CDH13: variants seen among roughly 807,000 people sequenced by gnomAD.
The protein encoded by CDH13 is cadherin 13.
CDH13 carries 24 observed loss-of-function variants against 63.8 expected under a neutral mutation model. The ratio of observed to expected loss-of-function variants is 0.38; its 90% CI spans 0.27 to 0.53. The LOEUF (loss-of-function observed/expected upper bound fraction) is 0.53, where lower values mean the gene tolerates loss of function less well. Ranked by LOEUF, CDH13 falls within the 20% of genes least tolerant of loss-of-function variation. The pLI, the probability that CDH13 is intolerant of heterozygous loss-of-function variation, is 0.85. For synonymous variants in CDH13, 503 were observed against 355.3 expected (o/e 1.42, Z -4.67); for missense variants, 1,049 against 903.1 (o/e 1.16, Z -2.07).
At chr16:83,132,905 T>G (rs1406213044) in intron 4 of CDH13, among the ~76,000 whole-genome samples, 1 of 152,206 alleles carries the variant, frequency 6.6e-6, no homozygotes, top group Non-Finnish European at 1.5e-5. Flanking sequence ...TAGCTACACA[T>G]AAGCCTTTCC....
chr16:83,682,623 C>G (rs757898230), intron 10 of CDH13, among the ~76,000 whole-genome samples: 7 of 152,122 alleles, frequency 4.6e-5, no homozygotes, highest in Admixed American at 6.6e-5. Flanking sequence ...AACACGGTCA[C>G]TTCCTTAACT....
At chr16:83,276,276 G>GC (rs1567557717) in intron 5 of CDH13, among the ~76,000 whole-genome samples, 1 of 151,964 alleles carries the variant, frequency 6.6e-6, no homozygotes, top group Non-Finnish European at 1.5e-5. Context: ...TCCATTAGGA[G>GC]CCCCCCAAGA....
chr16:82,711,856 G>A lies in CDH13; in HGVS notation c.45+84719G>A, dbSNP rs1002366088. 4.9e-4 allele frequency among the ~76,000 whole-genome samples: 75 copies of A among 152,330 alleles called. No individual in the cohort carries two copies. In the Middle Eastern group the frequency reaches 0.01, roughly 21 times the overall value. On this transcript the variant is annotated intron_variant, in intron 1 of 13. Transcript: ENST00000567109. ...GGACTTGTTTAATCTTCACAACGGTGCTCTGAGTTAGGTGCTCATATTAGT... is the reference window on the plus strand; with the variant it reads ...GGACTTGTTTAATCTTCACAACGGTACTCTGAGTTAGGTGCTCATATTAGT...
intron 10 of CDH13, among the ~76,000 whole-genome samples, chr16:83,713,829 T>C (rs576406400): frequency 1.5e-4 from 23 of 152,206 alleles, no homozygotes; most frequent in Non-Finnish European, 5.9e-5. Context: ...GCCGTCAGGG[T>C]GGGGCTATCA....
chr16:82,717,306 C>T (rs535856768), intron 1 of CDH13, among the ~76,000 whole-genome samples: 8 of 151,830 alleles, frequency 5.3e-5, no homozygotes, highest in African/African-American at 1.9e-4. Context: ...TGTGGTGGTT[C>T]GCAGCTGTAA....
chr16:83,731,689 C>A (rs549679348), intron 10 of CDH13, among the ~76,000 whole-genome samples: 2 of 152,284 alleles, frequency 1.3e-5, no homozygotes, highest in South Asian at 4.1e-4. Flanking sequence ...GTCATAAATT[C>A]TTTGCCAAGG....
chr16:82,925,757 C>T (rs1443841697), intron 2 of CDH13, among the ~76,000 whole-genome samples: 1 of 152,220 alleles, frequency 6.6e-6, no homozygotes, highest in Non-Finnish European at 1.5e-5. Flanking sequence ...CCATTGCTAG[C>T]TCTCGCACCC....
At chr16:83,149,594 A>T (rs1193877285) in intron 4 of CDH13, among the ~76,000 whole-genome samples, 1 of 152,184 alleles carries the variant, frequency 6.6e-6, no homozygotes, top group African/African-American at 2.4e-5. Flanking sequence ...AAATTATTAT[A>T]ATATTTTTGT....
intron 8 of CDH13, among the ~76,000 whole-genome samples, chr16:83,626,623 A>G (rs1910329830): frequency 6.6e-6 from 1 of 151,736 alleles, no homozygotes; most frequent in Non-Finnish European, 1.5e-5. Context: ...CTGACTTGGC[A>G]ACTGAACTCA....
intron 3 of CDH13, among the ~76,000 whole-genome samples, chr16:83,079,992 G>A (rs1159964099): frequency 2.0e-5 from 3 of 152,126 alleles, no homozygotes; most frequent in Admixed American, 2.0e-4. Flanking sequence ...GTACTTTCAC[G>A]TTTGGACTAA....
chr16:83,522,940 C>G (rs1226584454), intron 7 of CDH13, among the ~76,000 whole-genome samples: 1 of 152,236 alleles, frequency 6.6e-6, no homozygotes, highest in Admixed American at 6.5e-5. Flanking sequence ...CCCTTTCAGA[C>G]TCATGACCTT....
intron 1 of CDH13, among the ~76,000 whole-genome samples, chr16:82,721,288 G>A (rs1032113770): frequency 1.3e-5 from 2 of 152,142 alleles, no homozygotes; most frequent in Admixed American, 1.3e-4. Context: ...AATGTACCAT[G>A]ATCTAGTATT....
chr16:83,010,914 T>C (rs1567741892), intron 2 of CDH13, among the ~76,000 whole-genome samples: 1 of 152,238 alleles, frequency 6.6e-6, no homozygotes, highest in Admixed American at 6.5e-5. Flanking sequence ...CTTAGCATTT[T>C]GTGGCTGAAG....
intron 6 of CDH13, among the ~76,000 whole-genome samples, chr16:83,410,240 A>C (rs1371186749): frequency 6.6e-6 from 1 of 152,176 alleles, no homozygotes; most frequent in African/African-American, 2.4e-5. Context: ...GACAAGGTTC[A>C]ATGCTACCCA....
At chr16:83,239,150 C>A (rs1904293141) in intron 5 of CDH13, among the ~76,000 whole-genome samples, 1 of 152,104 alleles carries the variant, frequency 6.6e-6, no homozygotes. Flanking sequence ...ACAGCCTTAC[C>A]ATGCCATTCT....
At chr16:82,636,193 C>T (rs929633200) in intron 1 of CDH13, among the ~76,000 whole-genome samples, 1 of 152,042 alleles carries the variant, frequency 6.6e-6, no homozygotes, top group African/African-American at 2.4e-5. Context: ...GTGAAGGAGG[C>T]CTGCTTGAGT....
intron 2 of CDH13, among the ~76,000 whole-genome samples, chr16:82,965,803 A>G (rs957052227): frequency 1.3e-5 from 2 of 152,154 alleles, no homozygotes; most frequent in African/African-American, 4.8e-5. Flanking sequence ...AGTAAACTTT[A>G]TTTTATTTTA....
At chr16:83,779,946 A>T in intron 11 of CDH13, 22 bp from the exon 12 acceptor site, 4 of 1,561,616 alleles carry the variant, frequency 2.6e-6, no homozygotes, top group Non-Finnish European at 3.5e-6. Flanking sequence ...TTGCATACCA[A>T]CATCTTCCCT....
At chr16:83,691,153 C>A (rs1333715101) in intron 10 of CDH13, among the ~76,000 whole-genome samples, 1 of 149,978 alleles carries the variant, frequency 6.7e-6, no homozygotes, top group East Asian at 2.0e-4. Flanking sequence ...AGATTGACTC[C>A]AAGATTTTTG....
Sources: gnomAD v4.1 joint callset for allele counts (sites outside exome capture counted in the v4.1 genomes callset) on GRCh38, gnomAD v4.1.1 for gene constraint, MANE v1.5 for transcripts, NCBI Gene and HGNC (gene_info 2026-07-23, HGNC 2026-07-21) for gene names.